Variants in HACD2 observed in about 807,000 individuals in gnomAD.
HACD2 encodes the protein very-long-chain (3R)-3-hydroxyacyl-CoA dehydratase 2.
In HACD2, 15 loss-of-function variants were observed where a neutral mutation model predicts 31.0. The ratio of observed to expected loss-of-function variants is 0.48; its 90% CI spans 0.32 to 0.75. HACD2 has a LOEUF of 0.75. Ranked by LOEUF, HACD2 falls within the 30% of genes least tolerant of loss-of-function variation. HACD2 has a pLI of 0.03. For missense variants in HACD2, 283 were observed against 313.0 expected, an observed-to-expected ratio of 0.90 and a Z score of 0.72; for synonymous variants, 115 against 122.2, an observed-to-expected ratio of 0.94 and a Z score of 0.39.
chr3:123,559,579 T>C (rs1193080941), intron 3 of HACD2, among the ~76,000 whole-genome samples: 1 of 152,228 alleles, frequency 6.6e-6, no homozygotes, highest in Non-Finnish European at 1.5e-5. Context: ...ATGTGGAAAC[T>C]AGGCCCAGAG....
At chr3:123,551,456 TA>T (rs200566511) in intron 3 of HACD2, among the ~76,000 whole-genome samples, 4 of 150,556 alleles carry the variant, frequency 2.7e-5, no homozygotes, top group African/African-American at 7.3e-5. Context: ...CCATCTCTAC[TA>T]AAAAAAAATA....
chr3:123,578,191 A>G (rs541160317), intron 2 of HACD2, among the ~76,000 whole-genome samples: 1 of 152,248 alleles, frequency 6.6e-6, no homozygotes, highest in Non-Finnish European at 1.5e-5. Flanking sequence ...GGCATATATC[A>G]GTAATTCATT....
intron 3 of HACD2, among the ~76,000 whole-genome samples, chr3:123,540,313 T>C (rs957776576): frequency 6.6e-5 from 10 of 152,088 alleles, no homozygotes. Flanking sequence ...AAATAATAAA[T>C]TGGTTTCAAG....
chr3:123,517,604 C>T (rs1162857690), intron 4 of HACD2, among the ~76,000 whole-genome samples: 1 of 152,196 alleles, frequency 6.6e-6, no homozygotes, highest in Non-Finnish European at 1.5e-5. Flanking sequence ...CTACTCAACC[C>T]ACAGTCCGCC....
chr3:123,498,012 T>G (rs954053099), intron 6 of HACD2, among the ~76,000 whole-genome samples: 3 of 152,162 alleles, frequency 2.0e-5, no homozygotes, highest in Non-Finnish European at 4.4e-5. Context: ...ATACAAAGCT[T>G]TGGAAAGTTG....
At chr3:123,498,356 TTAAGG>T (rs1317789374) in intron 6 of HACD2, among the ~76,000 whole-genome samples, 2 of 152,342 alleles carry the variant, frequency 1.3e-5, no homozygotes, top group East Asian at 1.9e-4. Context: ...GGGGAATTAC[TTAAGG>T]TAAAGAAAGC....
intron 3 of HACD2, among the ~76,000 whole-genome samples, chr3:123,548,592 G>T (rs1433903714): frequency 1.3e-5 from 2 of 152,150 alleles, no homozygotes; most frequent in East Asian, 3.8e-4. Flanking sequence ...TCCAAAAATA[G>T]ATTACAACAC....
chr3:123,574,206 G>T (rs1283949312), intron 2 of HACD2, among the ~76,000 whole-genome samples: 2 of 152,166 alleles, frequency 1.3e-5, no homozygotes, highest in Admixed American at 1.3e-4. Context: ...TGTCTCCCAT[G>T]TTCTTGCTAC....
intron 4 of HACD2, among the ~76,000 whole-genome samples, chr3:123,517,234 T>C (rs1311564096): frequency 1.3e-5 from 2 of 152,240 alleles, no homozygotes; most frequent in Admixed American, 6.5e-5. Flanking sequence ...AAGCATTGTT[T>C]AAAAGATGCC....
chr3:123,571,239 T>C (rs908713077), intron 2 of HACD2, among the ~76,000 whole-genome samples: 5 of 152,220 alleles, frequency 3.3e-5, no homozygotes, highest in Admixed American at 1.3e-4. Context: ...ATGATGGTGG[T>C]AGGGCAGCAT....
intron 6 of HACD2, among the ~76,000 whole-genome samples, chr3:123,495,753 G>A (rs1475921694): frequency 6.6e-6 from 1 of 152,122 alleles, no homozygotes; most frequent in African/African-American, 2.4e-5. Flanking sequence ...GAACTATTTC[G>A]ATAGTTTGAC....
At chr3:123,544,652 TTTTA>T (rs1419112454) in intron 3 of HACD2, among the ~76,000 whole-genome samples, 1 of 152,182 alleles carries the variant, frequency 6.6e-6, no homozygotes, top group Non-Finnish European at 1.5e-5. Flanking sequence ...AAATGTTAAC[TTTTA>T]TTTACTTTTT....
chr3:123,573,342 T>C (rs2056875101), intron 2 of HACD2, among the ~76,000 whole-genome samples: 1 of 152,210 alleles, frequency 6.6e-6, no homozygotes, highest in African/African-American at 2.4e-5. Context: ...GAAAACACCT[T>C]TCCACTCTCT....
chr3:123,582,281 AC>A lies in HACD2; in HGVS notation c.203del (p.Gly68ValfsTer14), dbSNP rs1317841567. The A allele has an allele frequency of 1.2e-6, 2 of 1,610,018 alleles. No individual in the cohort carries two copies. Among genetic ancestry groups the A allele is most frequent in the Non-Finnish European group, 1.7e-6 (2 of 1,177,984 alleles). The part of the protein sequence containing the change: ...VGLVRAYLAK[G>X]SYHSLYYSIE... ...TTGAATAATAAAGGCTATGGTAGCT[AC>A]CCTTAGCCAGGTATGCTCGGACCAG... On this transcript the variant is annotated frameshift_variant, in exon 2 of 7. Transcript: ENST00000383657. LOFTEE classifies it high-confidence loss of function.
At chr3:123,537,528 G>A (rs1207554938) in intron 3 of HACD2, among the ~76,000 whole-genome samples, 1 of 150,742 alleles carries the variant, frequency 6.6e-6, no homozygotes, top group Non-Finnish European at 1.5e-5. Context: ...GGCACTAACT[G>A]CACTCCAGCC....
chr3:123,543,141 T>C (rs576224878), intron 3 of HACD2, among the ~76,000 whole-genome samples: 7 of 152,304 alleles, frequency 4.6e-5, no homozygotes, highest in African/African-American at 1.7e-4. Flanking sequence ...TACAGACCAA[T>C]GTAAAACTAA....
chr3:123,538,340 G>A (rs1485667549), intron 3 of HACD2, among the ~76,000 whole-genome samples: 1 of 152,074 alleles, frequency 6.6e-6, no homozygotes, highest in African/African-American at 2.4e-5. Flanking sequence ...CCTTGAAGTT[G>A]GCATTCTGAA....
At chr3:123,516,903 C>T (rs1263860175) in intron 4 of HACD2, among the ~76,000 whole-genome samples, 1 of 152,206 alleles carries the variant, frequency 6.6e-6, no homozygotes, top group Non-Finnish European at 1.5e-5. Context: ...CTGGCCTCTA[C>T]TCCAATTGAG....
In HACD2 at chr3:123,492,854, G is replaced by C. The variant is rs2055780860; in HGVS notation, c.*2034C>G. 1 of 152,104 alleles carries C rather than the reference G, an allele frequency of 6.6e-6. No individual in the cohort carries two copies. Among genetic ancestry groups the C allele is most frequent in the Non-Finnish European group, 1.5e-5 (1 of 68,018 alleles). The allele number at this position is 152,104 out of a possible 1,614,324, so 9.4% of individuals were successfully genotyped here. On this transcript the variant is annotated 3_prime_UTR_variant, in exon 7 of 7. Transcript: ENST00000383657. ...TATTTTATAGTAGAAATACATTATGGAAGAATAAAATGAGAGAAAAGTCAT... is the reference window on the plus strand; with the variant it reads ...TATTTTATAGTAGAAATACATTATGCAAGAATAAAATGAGAGAAAAGTCAT...
Sources: allele counts gnomAD v4.1 joint callset (sites outside exome capture counted in the v4.1 genomes callset), GRCh38; gene constraint gnomAD v4.1.1; transcripts MANE v1.5; gene names NCBI Gene and HGNC (gene_info 2026-07-23, HGNC 2026-07-21).